TYW1B: variants seen among roughly 807,000 people sequenced by gnomAD.
TYW1B encodes the protein S-adenosyl-L-methionine-dependent tRNA 4-demethylwyosine synthase TYW1B.
Under a neutral mutation model 86.9 loss-of-function variants are expected in TYW1B, and 73 were observed. The ratio of observed to expected loss-of-function variants is 0.84; its 90% CI spans 0.70 to 1.02. TYW1B has a LOEUF of 1.02. TYW1B is among the 50% of genes least tolerant of loss of function. TYW1B has a pLI of 0.00. For missense variants in TYW1B, 637 were observed against 827.4 expected (o/e 0.77, Z 2.82); for synonymous variants, 248 against 292.8 (o/e 0.85, Z 1.56).
chr7:72,663,115 T>C (rs1813373694), intron 11 of TYW1B, among the ~76,000 whole-genome samples: 2 of 146,332 alleles, frequency 1.4e-5, no homozygotes, highest in African/African-American at 2.6e-5. Flanking sequence ...TGATTCCATG[T>C]AGAAGAAATT....
At chr7:72,634,363 T>C (rs2844144) in intron 11 of TYW1B, among the ~76,000 whole-genome samples, 19,605 of 145,192 alleles carry the variant, frequency 0.14, 2,005 homozygotes, top group East Asian at 0.54. Flanking sequence ...TTTCTTTTTT[T>C]TTTTCTGTAG....
chr7:72,762,302 G>A (rs1787698349), intron 7 of TYW1B, among the ~76,000 whole-genome samples: 1 of 152,122 alleles, frequency 6.6e-6, no homozygotes, highest in Admixed American at 6.6e-5. Context: ...TATATCAGAA[G>A]TTCAACCTTT....
chr7:72,756,921 A>G (rs944148710), intron 7 of TYW1B, among the ~76,000 whole-genome samples: 2 of 152,186 alleles, frequency 1.3e-5, no homozygotes, highest in African/African-American at 4.8e-5. Context: ...GAAGATGCAA[A>G]CCTCTAAGAG....
intron 13 of TYW1B, among the ~76,000 whole-genome samples, chr7:72,594,296 C>CT (rs782334919): frequency 7.3e-5 from 11 of 150,632 alleles, no homozygotes; most frequent in Admixed American, 4.6e-4. Context: ...AGAAATAAGA[C>CT]TTGAATTACC....
intron 7 of TYW1B, among the ~76,000 whole-genome samples, chr7:72,754,542 T>C (rs1309158455): frequency 6.6e-6 from 1 of 152,090 alleles, no homozygotes; most frequent in Non-Finnish European, 1.5e-5. Flanking sequence ...GTTCAAGCAA[T>C]TCTCATGCCT....
At chr7:72,788,353 G>A (rs1337779214) in intron 6 of TYW1B, among the ~76,000 whole-genome samples, 2 of 152,112 alleles carry the variant, frequency 1.3e-5, no homozygotes, top group Non-Finnish European at 2.9e-5. Flanking sequence ...AAGACCACAT[G>A]GCCACATGGA....
At chr7:72,751,133 G>T (rs555196705) in intron 7 of TYW1B, among the ~76,000 whole-genome samples, 2 of 151,816 alleles carry the variant, frequency 1.3e-5, no homozygotes, top group African/African-American at 4.8e-5. Context: ...CACCTCCTGG[G>T]TTCAAGCAAT....
intron 7 of TYW1B, among the ~76,000 whole-genome samples, chr7:72,751,993 G>A (rs1418030859): frequency 6.6e-6 from 1 of 152,226 alleles, no homozygotes; most frequent in East Asian, 1.9e-4. Flanking sequence ...TGACTTCCAA[G>A]GCCAGGCTGC....
intron 10 of TYW1B, among the ~76,000 whole-genome samples, chr7:72,701,944 A>G (rs1269100948): frequency 1.3e-5 from 2 of 152,218 alleles, no homozygotes; most frequent in Non-Finnish European, 2.9e-5. Flanking sequence ...TTACTCGGTA[A>G]GAACCAAGAG....
intron 11 of TYW1B, among the ~76,000 whole-genome samples, chr7:72,635,413 G>A (rs1327109973): frequency 6.6e-6 from 1 of 152,126 alleles, no homozygotes; most frequent in African/African-American, 2.4e-5. Context: ...AACATCTTGA[G>A]AAAATTTTTT....
chr7:72,699,446 G>C (rs1814404302), intron 10 of TYW1B, among the ~76,000 whole-genome samples: 1 of 152,118 alleles, frequency 6.6e-6, no homozygotes, highest in Non-Finnish European at 1.5e-5. Context: ...CAGTGTGATG[G>C]ACGGATTAAA....
At chr7:72,812,274 T>C (rs1244519755) in intron 3 of TYW1B, among the ~76,000 whole-genome samples, 17 of 152,116 alleles carry the variant, frequency 1.1e-4, no homozygotes, top group Admixed American at 9.2e-4. Flanking sequence ...TTTTTGACAA[T>C]TTCATATATG....
chr7:72,719,051 T>A (rs1173683111), intron 9 of TYW1B, among the ~76,000 whole-genome samples: 2 of 152,166 alleles, frequency 1.3e-5, no homozygotes, highest in Non-Finnish European at 2.9e-5. Flanking sequence ...ATAAGCTACA[T>A]GAAATACTTA....
intron 11 of TYW1B, among the ~76,000 whole-genome samples, chr7:72,655,463 A>G (rs2129569313): frequency 6.6e-6 from 1 of 152,206 alleles, no homozygotes; most frequent in East Asian, 1.9e-4. Flanking sequence ...CTGGAGCCCA[A>G]TAGCCCCTGC....
At chr7:72,824,165 TAAG>T (rs1220051637) in intron 2 of TYW1B, among the ~76,000 whole-genome samples, 1 of 152,096 alleles carries the variant, frequency 6.6e-6, no homozygotes, top group African/African-American at 2.4e-5. Context: ...AGTGAAAACC[TAAG>T]AAGTACTATT....
At chr7:72,628,787 G>A in intron 12 of TYW1B, 100 bp downstream of exon 12, 1 of 797,168 alleles carries the variant, frequency 1.3e-6, no homozygotes, top group Non-Finnish European at 2.0e-6. Flanking sequence ...AAATTCCTGG[G>A]ACCTCTAGAG....
chr7:72,590,156 G>A (rs35339749), intron 13 of TYW1B, among the ~76,000 whole-genome samples: 774 of 124,732 alleles, frequency 6.2e-3, no homozygotes, highest in Middle Eastern at 0.014. Context: ...TCTATTGAAG[G>A]CTTGTAACAT....
chr7:72,743,488 A>C (rs1162788252), intron 8 of TYW1B, among the ~76,000 whole-genome samples: 1 of 152,184 alleles, frequency 6.6e-6, no homozygotes, highest in Non-Finnish European at 1.5e-5. Context: ...GCTGCTATGA[A>C]GACATGAGTT....
intron 13 of TYW1B, among the ~76,000 whole-genome samples, chr7:72,606,734 C>G (rs781807277): frequency 6.6e-6 from 1 of 151,536 alleles, no homozygotes; most frequent in Non-Finnish European, 1.5e-5. Flanking sequence ...TCTGCCTCTA[C>G]TTGGCAGTAA....
Sources: allele counts gnomAD v4.1 joint callset (sites outside exome capture counted in the v4.1 genomes callset), GRCh38; gene constraint gnomAD v4.1.1; transcripts MANE v1.5; gene names NCBI Gene and HGNC (gene_info 2026-07-23, HGNC 2026-07-21).